Variants in EYA1 observed in about 807,000 individuals in gnomAD.
EYA1 encodes the protein protein phosphatase EYA1.
In EYA1, 16 loss-of-function variants were observed where a neutral mutation model predicts 82.0. The ratio of observed to expected loss-of-function variants is 0.20; its 90% CI spans 0.13 to 0.30. The LOEUF (loss-of-function observed/expected upper bound fraction) is 0.30, where lower values mean the gene tolerates loss of function less well. EYA1 is among the 10% of genes least tolerant of loss of function. The pLI is 1.00. For synonymous variants in EYA1, 261 were observed against 264.4 expected (o/e 0.99, Z 0.12); for missense variants, 633 against 730.7 (o/e 0.87, Z 1.54).
chr8:71,267,770 G>A (rs545381256), intron 11 of EYA1, among the ~76,000 whole-genome samples: 4 of 151,966 alleles, frequency 2.6e-5, no homozygotes, highest in South Asian at 2.1e-4. Flanking sequence ...GGATGGTCTC[G>A]ATCTCCTGAC....
chr8:71,415,662 G>C (rs1015736131), intron 2 of EYA1, among the ~76,000 whole-genome samples: 1 of 152,122 alleles, frequency 6.6e-6, no homozygotes. Context: ...TGTGCATTCA[G>C]GGTGACACAC....
intron 2 of EYA1, among the ~76,000 whole-genome samples, chr8:71,528,364 A>C (rs1189923448): frequency 1.3e-5 from 2 of 152,200 alleles, no homozygotes; most frequent in Non-Finnish European, 2.9e-5. Flanking sequence ...TGGAAATATA[A>C]ACATGTCACT....
intron 9 of EYA1, among the ~76,000 whole-genome samples, chr8:71,296,965 T>C (rs1018227358): frequency 6.6e-6 from 1 of 152,150 alleles, no homozygotes. Flanking sequence ...TCTTTTTCAA[T>C]GTGGAAACTC....
At chr8:71,227,780 CTA>C (rs1810733805) in intron 12 of EYA1, among the ~76,000 whole-genome samples, 1 of 152,076 alleles carries the variant, frequency 6.6e-6, no homozygotes, top group South Asian at 2.1e-4. Context: ...TAACTACAAA[CTA>C]TATGTCAATG....
rs1828547245 is a variant in EYA1, at chr8:71,379,144, G to A, written c.34-22633C>T. Reference sequence around the variant, plus strand: ...CTAAGTGGAGGCTCTATGTGAGGATGAGGAGGCCACAAATGGATCACTCGA... The same window carrying A: ...CTAAGTGGAGGCTCTATGTGAGGATAAGGAGGCCACAAATGGATCACTCGA... On this transcript the variant is annotated intron_variant, in intron 2 of 18. Transcript: ENST00000643681. Among the ~76,000 whole-genome samples, 2 of 152,078 alleles carry A rather than the reference G, an allele frequency of 1.3e-5. 1 individual carries two copies. The highest frequency in any genetic ancestry group is 4.2e-4 in the South Asian group (2 of 4,808).
chr8:71,303,862 C>G (rs1262601688), intron 7 of EYA1, among the ~76,000 whole-genome samples: 1 of 142,428 alleles, frequency 7.0e-6, no homozygotes, highest in African/African-American at 2.5e-5. Flanking sequence ...TGATCATTCC[C>G]ATTTTGCAGA....
intron 2 of EYA1, among the ~76,000 whole-genome samples, chr8:71,471,309 A>G (rs1809192283): frequency 6.6e-6 from 1 of 152,080 alleles, no homozygotes; most frequent in South Asian, 2.1e-4. Flanking sequence ...AATCCTTATT[A>G]AAATATGAAG....
intron 9 of EYA1, among the ~76,000 whole-genome samples, chr8:71,278,510 A>G (rs1817455525): frequency 6.6e-6 from 1 of 152,216 alleles, no homozygotes; most frequent in Non-Finnish European, 1.5e-5. Flanking sequence ...ATCATTTTTA[A>G]TTTGCATATA....
intron 2 of EYA1, among the ~76,000 whole-genome samples, chr8:71,370,275 AAT>A (rs1828003235): frequency 6.6e-6 from 1 of 151,538 alleles, no homozygotes; most frequent in Non-Finnish European, 1.5e-5. Context: ...ATCATTTTCA[AAT>A]TTTGCACCTT....
chr8:71,431,518 A>G (rs187911007), intron 2 of EYA1, among the ~76,000 whole-genome samples: 1 of 152,312 alleles, frequency 6.6e-6, no homozygotes, highest in African/African-American at 2.4e-5. Flanking sequence ...AAAGAAAAAC[A>G]AAAGAACAAG....
chr8:71,455,200 C>T lies in EYA1; in HGVS notation c.33+80544G>A, dbSNP rs192316180. 4.6e-5 allele frequency among the ~76,000 whole-genome samples: 7 copies of T among 152,144 alleles called. No individual in the cohort carries two copies. The East Asian group carries it at 9.7e-4, about 21-fold the overall frequency. ...TTGACACATACACCCCACAAGACTA[C>T]ACCAGGAAGAAGTTGAATCGCTGAA... is the stretch of plus-strand genomic sequence containing the variant. On this transcript the variant is annotated intron_variant, in intron 2 of 18. Coordinates refer to the EYA1 transcript ENST00000643681.
intron 2 of EYA1, among the ~76,000 whole-genome samples, chr8:71,428,344 T>C (rs1805387225): frequency 6.6e-6 from 1 of 152,200 alleles, no homozygotes; most frequent in South Asian, 2.1e-4. Context: ...ATGCATTTTG[T>C]AAAAACCTAA....
chr8:71,447,064 T>C (rs1806940807), intron 2 of EYA1, among the ~76,000 whole-genome samples: 2 of 143,558 alleles, frequency 1.4e-5, no homozygotes, highest in African/African-American at 2.7e-5. Flanking sequence ...TGCTCTGAAA[T>C]CTCATTATTG....
intron 2 of EYA1, among the ~76,000 whole-genome samples, chr8:71,525,000 G>A (rs941557928): frequency 1.3e-5 from 2 of 152,188 alleles, no homozygotes; most frequent in African/African-American, 4.8e-5. Flanking sequence ...AGTAGAGTTT[G>A]TATGTTACTA....
intron 12 of EYA1, among the ~76,000 whole-genome samples, chr8:71,241,078 A>G (rs929977821): frequency 2.6e-5 from 4 of 152,230 alleles, no homozygotes; most frequent in African/African-American, 9.6e-5. Context: ...CCAGACGTAC[A>G]CTACGGAACT....
rs936898423 is a variant in EYA1 at position 71,360,938 on chromosome 8, C to G, written c.-55+709G>C. On this transcript the variant is annotated intron_variant, in intron 1 of 17. Transcript: ENST00000340726. ...CCATGAGTCATTAACAATTCATATA[C>G]TGATTTTGAATGGCAAATATTTTAA... is the stretch of plus-strand genomic sequence containing the variant. Among the ~76,000 whole-genome samples, 13 of 152,158 alleles carry G rather than the reference C, an allele frequency of 8.5e-5. No homozygotes were observed. The South Asian group carries it at 1.9e-3, about 22-fold the overall frequency.
At chr8:71,481,615 G>C (rs1175600488) in intron 2 of EYA1, among the ~76,000 whole-genome samples, 1 of 152,140 alleles carries the variant, frequency 6.6e-6, no homozygotes, top group Non-Finnish European at 1.5e-5. Flanking sequence ...ATACTTAACT[G>C]GGCCAATTTC....
chr8:71,326,394 A>G (rs1823150788), intron 4 of EYA1, among the ~76,000 whole-genome samples: 1 of 151,776 alleles, frequency 6.6e-6, no homozygotes, highest in South Asian at 2.1e-4. Context: ...AATATACCCC[A>G]AACCTTACAA....
chr8:71,289,759 C>T (rs2128985108), intron 9 of EYA1, among the ~76,000 whole-genome samples: 1 of 152,278 alleles, frequency 6.6e-6, no homozygotes, highest in South Asian at 2.1e-4. Context: ...TAGAACAATA[C>T]CTGGCACTAG....
Sources: gnomAD v4.1 joint callset for allele counts (sites outside exome capture counted in the v4.1 genomes callset) on GRCh38, gnomAD v4.1.1 for gene constraint, MANE v1.5 for transcripts, NCBI Gene and HGNC (gene_info 2026-07-23, HGNC 2026-07-21) for gene names.